CIMIP7: variants seen among roughly 807,000 people sequenced by gnomAD.
CIMIP7 encodes ciliary microtubule inner protein 7.
chr3:49,191,699 C>T, the CIMIP7 span: 2 of 1,587,778 alleles, frequency 1.3e-6, no homozygotes, highest in Non-Finnish European at 8.5e-7. Flanking sequence ...ATTTCAGGTA[C>T]AACCAGAGGG....
chr3:49,191,418 C>A, the CIMIP7 span, among the ~76,000 whole-genome samples: 1 of 152,202 alleles, frequency 6.6e-6, no homozygotes, highest in African/African-American at 2.4e-5. Context: ...TCTTTGCCCT[C>A]AAAATGTTCC....
the CIMIP7 span, among the ~76,000 whole-genome samples, chr3:49,185,749 G>T: frequency 6.7e-6 from 1 of 150,298 alleles, no homozygotes; most frequent in Non-Finnish European, 1.5e-5. Flanking sequence ...GGAGTACAGT[G>T]GCTCGATCTC....
At chr3:49,183,254 A>G in the CIMIP7 span, among the ~76,000 whole-genome samples, 2 of 152,250 alleles carry the variant, frequency 1.3e-5, no homozygotes, top group African/African-American at 4.8e-5. Context: ...CATCTATCAG[A>G]ATGGCTCCAA....
At chr3:49,190,253 G>T in the CIMIP7 span, 1 of 654,476 alleles carries the variant, frequency 1.5e-6, no homozygotes, top group Non-Finnish European at 2.6e-6. Flanking sequence ...CCTCATGGAA[G>T]TTCCTGACAG....
the CIMIP7 span, among the ~76,000 whole-genome samples, chr3:49,183,958 A>C: frequency 4.6e-5 from 7 of 152,378 alleles, no homozygotes; most frequent in East Asian, 1.3e-3. Context: ...ATTATGCTGC[A>C]AAAATAGCCA....
the CIMIP7 span, among the ~76,000 whole-genome samples, chr3:49,182,742 T>G: frequency 6.6e-6 from 1 of 152,134 alleles, no homozygotes; most frequent in Admixed American, 6.5e-5. Context: ...AGGCTCGGGC[T>G]GCACAGGAGC....
chr3:49,191,368 TG>T, the CIMIP7 span, among the ~76,000 whole-genome samples: 1 of 152,214 alleles, frequency 6.6e-6, no homozygotes, highest in Admixed American at 6.5e-5. Flanking sequence ...CTTCCAGGCG[TG>T]GGGCTGAGCA....
chr3:49,181,622 C>T, the CIMIP7 span, among the ~76,000 whole-genome samples: 1 of 152,114 alleles, frequency 6.6e-6, no homozygotes, highest in African/African-American at 2.4e-5. Flanking sequence ...CGTGCCACTG[C>T]GAACCAAGCT....
chr3:49,190,663 ATTTTT>A, the CIMIP7 span, among the ~76,000 whole-genome samples: 1 of 99,994 alleles, frequency 1.0e-5, no homozygotes. Flanking sequence ...GCCAGGCTGA[ATTTTT>A]TTTTTTTTTT....
the CIMIP7 span, among the ~76,000 whole-genome samples, chr3:49,181,960 C>T: frequency 6.6e-6 from 1 of 152,122 alleles, no homozygotes; most frequent in Non-Finnish European, 1.5e-5. Context: ...TTCGTGGTCT[C>T]GCTGGCTCAG....
At chr3:49,178,477 C>G in the CIMIP7 span, 1 of 1,613,312 alleles carries the variant, frequency 6.2e-7, no homozygotes, top group South Asian at 1.1e-5. Context: ...GTCTTCGGCA[C>G]TCACTTTGTC....
chr3:49,178,149 T>A, the CIMIP7 span: 1 of 1,197,120 alleles, frequency 8.4e-7, no homozygotes, highest in Non-Finnish European at 1.1e-6. Context: ...ACCTGTCCTA[T>A]GCCTGGCTGT....
the CIMIP7 span, among the ~76,000 whole-genome samples, chr3:49,186,744 A>G: frequency 6.7e-6 from 1 of 149,780 alleles, no homozygotes; most frequent in African/African-American, 2.5e-5. Flanking sequence ...ATACACACAC[A>G]CGCACGCACG....
At chr3:49,183,616 C>T in the CIMIP7 span, among the ~76,000 whole-genome samples, 1 of 152,326 alleles carries the variant, frequency 6.6e-6, no homozygotes, top group Middle Eastern at 3.4e-3. Context: ...GATCGTGCCA[C>T]TGCACTCCAG....
the CIMIP7 span, among the ~76,000 whole-genome samples, chr3:49,186,919 T>C: frequency 6.6e-6 from 1 of 152,216 alleles, no homozygotes; most frequent in Non-Finnish European, 1.5e-5. Context: ...CAACTGCTTA[T>C]GAATTGATAA....
chr3:49,177,986 T>TGTGCC, the CIMIP7 span: 1 of 1,612,956 alleles, frequency 6.2e-7, no homozygotes, highest in Non-Finnish European at 8.5e-7. Context: ...CGCAGGAAGG[T>TGTGCC]GTGCCGCTGC....
the CIMIP7 span, among the ~76,000 whole-genome samples, chr3:49,190,663 ATTTT>A: frequency 1.0e-5 from 1 of 99,992 alleles, no homozygotes. Context: ...GCCAGGCTGA[ATTTT>A]TTTTTTTTTT....
At chr3:49,178,496 T>C in the CIMIP7 span, 1 of 1,613,702 alleles carries the variant, frequency 6.2e-7, no homozygotes, top group Non-Finnish European at 8.5e-7. Flanking sequence ...TCAAAGGAAG[T>C]ACGGTTGTCG....
At chr3:49,180,335 A>G in the CIMIP7 span, among the ~76,000 whole-genome samples, 1 of 152,262 alleles carries the variant, frequency 6.6e-6, no homozygotes, top group East Asian at 1.9e-4. Flanking sequence ...GGAGCTAGAG[A>G]GCCTTGCTCC....
Sources: gnomAD v4.1 joint callset for allele counts (sites outside exome capture counted in the v4.1 genomes callset) on GRCh38, gnomAD v4.1.1 for gene constraint, MANE v1.5 for transcripts, NCBI Gene and HGNC (gene_info 2026-07-23, HGNC 2026-07-21) for gene names.